Variants in GRM7 observed in about 807,000 individuals in gnomAD.
GRM7 encodes the protein metabotropic glutamate receptor 7.
GRM7 carries 35 observed loss-of-function variants against 84.5 expected under a neutral mutation model. The ratio of observed to expected loss-of-function variants is 0.41; its 90% CI spans 0.32 to 0.55. The LOEUF (loss-of-function observed/expected upper bound fraction) is 0.55, where lower values mean the gene tolerates loss of function less well. Among genes scored for constraint, GRM7 ranks in the 20% least tolerant of loss-of-function variants. The pLI is 0.19. For synonymous variants in GRM7, 487 were observed against 455.1 expected, an observed-to-expected ratio of 1.07 and a Z score of -0.89; for missense variants, 1,003 against 1,194.6, an observed-to-expected ratio of 0.84 and a Z score of 2.36.
At chr3:6,951,106 G>A (rs1373576289) in intron 1 of GRM7, among the ~76,000 whole-genome samples, 1 of 152,174 alleles carries the variant, frequency 6.6e-6, no homozygotes, top group Non-Finnish European at 1.5e-5. Context: ...AGTTGTAAAT[G>A]CAGAAATCAC....
rs1179573130 is a variant in GRM7 at position 7,726,651 on chromosome 3, A to C, written c.2699-13706A>C. Among the ~76,000 whole-genome samples the C allele has an allele frequency of 1.8e-3, 177 of 95,948 alleles. 5 individuals are homozygous for C. The highest frequency in any genetic ancestry group is 7.0e-3 in the African/African-American group (170 of 24,204). 62.9% of individuals were successfully genotyped at this position (95,948 alleles called of 152,430 possible). On this transcript the variant is annotated intron_variant, in intron 9 of 9. Coordinates refer to ENST00000357716, the MANE Select transcript of GRM7 (RefSeq NM_000844.4). ...TATATATATATATATATATATATAT[A>C]TATATATATATATAGGTTTTCCCCA...
chr3:7,739,535 G>A (rs1438222313), intron 9 of GRM7, among the ~76,000 whole-genome samples: 3 of 152,148 alleles, frequency 2.0e-5, no homozygotes, highest in Non-Finnish European at 4.4e-5. Flanking sequence ...GTATGACTTG[G>A]TATTGAGGAC....
chr3:6,935,410 AG>A (rs143122790), intron 1 of GRM7, among the ~76,000 whole-genome samples: 22,572 of 151,778 alleles, frequency 0.15, 1,894 homozygotes, highest in Admixed American at 0.2. Context: ...AATATGGCAA[AG>A]CTCAAAGAAT....
At chr3:7,668,940 G>A (rs558808443) in intron 8 of GRM7, among the ~76,000 whole-genome samples, 2 of 152,328 alleles carry the variant, frequency 1.3e-5, no homozygotes, top group East Asian at 3.9e-4. Context: ...GATTCCCACA[G>A]TGTATTCTGG....
Position 6,928,095 on chromosome 3 carries a change from C to CTT in GRM7, c.519+66199_519+66200dup, listed in dbSNP as rs531808786. ...TATATCCCTTTTATCTGTTTTGCTC[C>CTT]TTTTTTTTTTTTCTACACTGCTGAG... On this transcript the variant is annotated intron_variant, in intron 1 of 9. Transcript: ENST00000357716. The surrounding 1 kb of genome is among the most constrained non-coding windows in gnomAD (Gnocchi z 4.5). 1.4e-5 allele frequency among the ~76,000 whole-genome samples: 2 copies of CTT among 146,194 alleles called. No homozygotes were observed. Among genetic ancestry groups the CTT allele is most frequent in the African/African-American group, 5.0e-5 (2 of 40,084 alleles).
At chr3:7,563,879 G>T (rs897512405) in intron 7 of GRM7, among the ~76,000 whole-genome samples, 2 of 152,210 alleles carry the variant, frequency 1.3e-5, no homozygotes, top group Non-Finnish European at 2.9e-5. Flanking sequence ...TTTTTAGGTA[G>T]AGATGAACAT....
intron 4 of GRM7, among the ~76,000 whole-genome samples, chr3:7,344,020 T>C: frequency 6.6e-6 from 1 of 152,146 alleles, no homozygotes; most frequent in East Asian, 1.9e-4. Context: ...AAAAACTTCT[T>C]TTCTCTGACT....
chr3:7,266,236 C>G (rs372672349), intron 2 of GRM7, among the ~76,000 whole-genome samples: 59 of 152,262 alleles, frequency 3.9e-4, no homozygotes, highest in African/African-American at 1.3e-3. Flanking sequence ...CAAGCCAGTG[C>G]TATTAAAACC....
At chr3:7,452,923 T>C in intron 6 of GRM7, 116 bp downstream of exon 6, 1 of 656,266 alleles carries the variant, frequency 1.5e-6, no homozygotes, top group Non-Finnish European at 2.7e-6. Context: ...TGCTTGATTA[T>C]AAAACTTTAA....
intron 1 of GRM7, among the ~76,000 whole-genome samples, chr3:6,953,452 C>T (rs996355500): frequency 6.6e-5 from 10 of 152,322 alleles, no homozygotes; most frequent in South Asian, 2.1e-4. Context: ...TCTTGACAAA[C>T]ATAAAGAACT....
intron 2 of GRM7, among the ~76,000 whole-genome samples, chr3:7,259,696 C>T (rs1001219190): frequency 5.3e-5 from 8 of 152,146 alleles, no homozygotes; most frequent in Non-Finnish European, 1.2e-4. Flanking sequence ...CATCATTGGG[C>T]ATATAAGTTG....
intron 1 of GRM7, among the ~76,000 whole-genome samples, chr3:7,113,761 C>T (rs967654445): frequency 6.6e-6 from 1 of 152,096 alleles, no homozygotes; most frequent in Non-Finnish European, 1.5e-5. Flanking sequence ...TCTCCACTCC[C>T]AACTCATGAG....
intron 1 of GRM7, among the ~76,000 whole-genome samples, chr3:7,054,145 A>G (rs1697120697): frequency 6.6e-6 from 1 of 150,614 alleles, no homozygotes; most frequent in Non-Finnish European, 1.5e-5. Flanking sequence ...TGATTTTTCT[A>G]TATTGAACTT....
intron 8 of GRM7, among the ~76,000 whole-genome samples, chr3:7,645,417 C>CAG: frequency 6.6e-6 from 1 of 151,482 alleles, no homozygotes. Flanking sequence ...TGTGGTGGTG[C>CAG]GCGCCTGTAA....
chr3:7,597,241 G>A (rs201330530), intron 8 of GRM7, among the ~76,000 whole-genome samples: 1 of 151,918 alleles, frequency 6.6e-6, no homozygotes, highest in African/African-American at 2.4e-5. Flanking sequence ...AGTGGGGGGA[G>A]GTGCCATGCA....
At chr3:6,875,622 G>A (rs1054560237) in intron 1 of GRM7, among the ~76,000 whole-genome samples, 1 of 152,162 alleles carries the variant, frequency 6.6e-6, no homozygotes, top group Admixed American at 6.5e-5. Context: ...TTTATTAGCA[G>A]TGTGAGAACA....
chr3:7,337,925 A>G (rs1296229250), intron 4 of GRM7, among the ~76,000 whole-genome samples: 10 of 151,986 alleles, frequency 6.6e-5, no homozygotes, highest in Admixed American at 3.3e-4. Flanking sequence ...AGAAGAAGTC[A>G]TTATATGAAA....
intron 7 of GRM7, among the ~76,000 whole-genome samples, chr3:7,491,284 A>T (rs2124950527): frequency 6.6e-6 from 1 of 152,198 alleles, no homozygotes; most frequent in South Asian, 2.1e-4. Flanking sequence ...AATACAAAAA[A>T]TAAAGAGAGA....
chr3:7,596,695 C>G (rs780575755), intron 8 of GRM7, among the ~76,000 whole-genome samples: 3 of 152,078 alleles, frequency 2.0e-5, no homozygotes, highest in African/African-American at 7.2e-5. Context: ...CTGGAAAATT[C>G]AAGAGTGATT....
Sources: gnomAD v4.1 joint callset for allele counts (sites outside exome capture counted in the v4.1 genomes callset) on GRCh38, gnomAD v4.1.1 for gene constraint, Gnocchi (gnomAD v3.1) non-coding constraint, MANE v1.5 for transcripts, NCBI Gene and HGNC (gene_info 2026-07-23, HGNC 2026-07-21) for gene names.